The following SCRT2 variants were observed in gnomAD, a reference collection of about 807,000 sequenced individuals.
SCRT2 encodes transcriptional repressor scratch 2.
A neutral mutation model predicts 3.7 loss-of-function variants in SCRT2; 2 were observed. The observed-to-expected ratio is 0.54, with a 90% CI of 0.22 to 1.70. The LOEUF (loss-of-function observed/expected upper bound fraction) is 1.70, where lower values mean the gene tolerates loss of function less well. Among genes scored for constraint, SCRT2 ranks in the 40% most tolerant of loss-of-function variants. The probability of loss-of-function intolerance (pLI) is 0.19; values close to 1 mark genes in which losing one functional copy is unlikely to be tolerated. For synonymous variants in SCRT2, 256 were observed against 220.6 expected (o/e 1.16, Z -1.42); for missense variants, 456 against 468.5 (o/e 0.97, Z 0.25).
chr20:675,640 G>T lies in SCRT2; in HGVS notation c.-39C>A. ...CGGGGCTCGGTGCGGGGAGGCGGCC[G>T]GCCGGGCGCGATCGGCTGTGTCCGC... On this transcript the variant is annotated 5_prime_UTR_variant, in exon 1 of 2. Transcript: ENST00000246104. The surrounding 1 kb of genome is among the most constrained non-coding windows in gnomAD (Gnocchi z 6.9). 1 of 1,249,022 alleles carries T rather than the reference G, an allele frequency of 8.0e-7. No homozygotes were observed. Among genetic ancestry groups the T allele is most frequent in the African/African-American group, 1.6e-5 (1 of 64,108 alleles). 77.4% of individuals were successfully genotyped at this position (1,249,022 alleles called of 1,614,324 possible). A position where few individuals can be genotyped will look rare whatever the true frequency, so the allele number is the denominator to read the frequency against.
rs1166487227 is a variant in SCRT2, at chr20:667,133, G to A, written c.134-2672C>T. On this transcript the variant is annotated intron_variant, in intron 1 of 1. Transcript: ENST00000246104. The surrounding 1 kb of genome is among the most constrained non-coding windows in gnomAD (Gnocchi z 4.4). ...TCAGTAAGGGGTCTGCCAGTAAACAGTATATAAACAAATGATAACCAGCAC... is the reference window on the plus strand; with the variant it reads ...TCAGTAAGGGGTCTGCCAGTAAACAATATATAAACAAATGATAACCAGCAC... Among the ~76,000 whole-genome samples, 4 of 152,266 alleles carry A rather than the reference G, an allele frequency of 2.6e-5. No individual in the cohort carries two copies. The East Asian group carries it at 7.7e-4, about 29-fold the overall frequency.
At position 663,149 on chromosome 20, in the gene SCRT2, G is replaced by A. The variant is rs1275739008; in HGVS notation, c.*522C>T. 1.3e-5 allele frequency: 2 copies of A among 155,024 alleles called. No homozygotes were observed. Among genetic ancestry groups the A allele is most frequent in the Non-Finnish European group, 2.8e-5 (2 of 70,242 alleles). 9.6% of individuals were successfully genotyped at this position (155,024 alleles called of 1,614,324 possible). A position where few individuals can be genotyped will look rare whatever the true frequency, so the allele number is the denominator to read the frequency against. ...AGATTCAGCAGAGGCCAGAGGGATGGTCTGGGGTTGGACTGTGGTCTCAGG... is the reference window on the plus strand; with the variant it reads ...AGATTCAGCAGAGGCCAGAGGGATGATCTGGGGTTGGACTGTGGTCTCAGG... On this transcript the variant is annotated 3_prime_UTR_variant, in exon 2 of 2. Coordinates refer to ENST00000246104, the MANE Select transcript of SCRT2 (RefSeq NM_033129.4). This position sits in a 1 kb window ranked among gnomAD's most constrained non-coding sequence, Gnocchi z 6.9.
rs1227415248 is a variant in SCRT2, at chr20:675,746, CGGCTCG to C, written c.-151_-146del. On this transcript the variant is annotated 5_prime_UTR_variant, in exon 1 of 2. Transcript: ENST00000246104. This position sits in a 1 kb window ranked among gnomAD's most constrained non-coding sequence, Gnocchi z 6.9. Reference sequence around the variant, plus strand: ...GAGCCGGCACCGGTGGCGGCGGCCCCGGCTCGGGCTCGGGCTTGGCGGCGGCGGCGC... The same window carrying C: ...GAGCCGGCACCGGTGGCGGCGGCCCCGGCTCGGGCTTGGCGGCGGCGGCGC... 4 of 391,506 alleles carry C rather than the reference CGGCTCG, an allele frequency of 1.0e-5. No individual in the cohort carries two copies. The highest frequency in any genetic ancestry group is 1.5e-5 in the Non-Finnish European group (4 of 259,472). The allele number at this position is 391,506 out of a possible 1,614,324, so 24.3% of individuals were successfully genotyped here. A position where few individuals can be genotyped will look rare whatever the true frequency, so the allele number is the denominator to read the frequency against.
intron 1 of SCRT2, among the ~76,000 whole-genome samples, chr20:673,327 T>A (rs928247464): frequency 2.6e-5 from 4 of 152,236 alleles, no homozygotes; most frequent in African/African-American, 9.6e-5. Flanking sequence ...ATAGTTGACC[T>A]TCACAGAAGC....
rs1286931992 is a variant in SCRT2 at position 675,740 on chromosome 20, C to T, written c.-139G>A. 7.0e-6 allele frequency: 3 copies of T among 431,638 alleles called. No homozygotes were observed. Among genetic ancestry groups the T allele is most frequent in the Non-Finnish European group, 1.0e-5 (3 of 293,378 alleles). The allele number at this position is 431,638 out of a possible 1,614,324, so 26.7% of individuals were successfully genotyped here. On this transcript the variant is annotated 5_prime_UTR_variant, in exon 1 of 2. Transcript: ENST00000246104. The surrounding 1 kb of genome is among the most constrained non-coding windows in gnomAD (Gnocchi z 6.9). ...CGCTCGGAGCCGGCACCGGTGGCGG[C>T]GGCCCCGGCTCGGGCTCGGGCTTGG...
In SCRT2 at chr20:664,351, T is replaced by C; in HGVS notation, c.244A>G (p.Ser82Gly). Residue 82 changes from serine to glycine, a missense_variant, in exon 2 of 2, where the codon AGC becomes GGC. Physicochemically the swap from Ser to Gly is moderately conservative, Grantham distance 56 (BLOSUM62 0). This residue lies in a region of SCRT2 where 306 missense variants were observed against 305.3 expected (regional missense o/e 1.00). Coordinates refer to ENST00000246104, the MANE Select transcript of SCRT2 (RefSeq NM_033129.4). This position sits in a 1 kb window ranked among gnomAD's most constrained non-coding sequence, Gnocchi z 7.9. The stretch of plus-strand genomic sequence containing the variant: ...CTCGACTGCGGGCTTTCGGGGTCGC[T>C]GTACTCCTCCGGCGCCGCCGGCGGG... ...AYPPAAPEEY[S>G]DPESPQSSLS... 6.8e-7 allele frequency: 1 copy of C among 1,480,018 alleles called. No homozygotes were observed. Among genetic ancestry groups the C allele is most frequent in the Non-Finnish European group, 9.1e-7 (1 of 1,104,714 alleles). The allele number at this position is 1,480,018 out of a possible 1,614,324, so 91.7% of individuals were successfully genotyped here. A position where few individuals can be genotyped will look rare whatever the true frequency, so the allele number is the denominator to read the frequency against.
Position 664,306 on chromosome 20 carries a change from G to C in SCRT2, c.289C>G (p.Arg97Gly). 2 of 1,501,664 alleles carry C rather than the reference G, an allele frequency of 1.3e-6. No individual in the cohort carries two copies. Among genetic ancestry groups the C allele is most frequent in the Non-Finnish European group, 1.8e-6 (2 of 1,115,112 alleles). The allele number at this position is 1,501,664 out of a possible 1,614,324, so 93.0% of individuals were successfully genotyped here. The change falls in exon 2 of 2, where the codon CGA (arginine) becomes GGA (glycine). Residue 97 changes from arginine (R) to glycine (G), a missense_variant. By Grantham distance (125) the Arg-to-Gly change is moderately radical. Around this residue, in one of 3 missense-constraint regions of SCRT2, gnomAD observed 306 missense variants for 305.3 expected, o/e 1.00. Coordinates refer to ENST00000246104, the MANE Select transcript of SCRT2 (RefSeq NM_033129.4). This position sits in a 1 kb window ranked among gnomAD's most constrained non-coding sequence, Gnocchi z 7.9. ...PQSSLSARYF[R>G]GEAAVTDSYS... ...CTGTCGGTCACTGCCGCCTCCCCTC[G>C]GAAGTAGCGCGCCGACAGGCTCGAC...
chr20:662,265 G>A lies in SCRT2; in HGVS notation c.*1406C>T, dbSNP rs1490806669. 1 of 152,810 alleles carries A rather than the reference G, an allele frequency of 6.5e-6. No homozygotes were observed. Among genetic ancestry groups the A allele is most frequent in the Non-Finnish European group, 1.5e-5 (1 of 68,178 alleles). The allele number at this position is 152,810 out of a possible 1,614,324, so 9.5% of individuals were successfully genotyped here. ...GGGGCTCAGTCGGTCCCTGGAACCTGGGGTCCCTCGGGAAGAAGAATAAAC... is the reference window on the plus strand; with the variant it reads ...GGGGCTCAGTCGGTCCCTGGAACCTAGGGTCCCTCGGGAAGAAGAATAAAC... On this transcript the variant is annotated 3_prime_UTR_variant, in exon 2 of 2. Transcript: ENST00000246104.
At chr20:669,753 C>T (rs1984272244) in intron 1 of SCRT2, among the ~76,000 whole-genome samples, 1 of 152,238 alleles carries the variant, frequency 6.6e-6, no homozygotes, top group Non-Finnish European at 1.5e-5. Context: ...AAAATAGTTT[C>T]TCCTGTCTGC....
rs762554724 is a variant in SCRT2, at chr20:675,540, G to A, written c.62C>T (p.Pro21Leu). Residue 21 changes from proline (P) to leucine (L), a missense_variant, in exon 1 of 2, where the codon CCG becomes CTG. Coordinates refer to ENST00000246104, the MANE Select transcript of SCRT2 (RefSeq NM_033129.4). This position sits in a 1 kb window ranked among gnomAD's most constrained non-coding sequence, Gnocchi z 6.9. ...CTCCAAGGGGTGGTAGGTGGGGGCC[G>A]GCACCCCGCTGCACTGGAAGCCGTC... is the stretch of plus-strand genomic sequence containing the variant. ...KGDGFQCSGV[P>L]APTYHPLETA... is the part of the protein sequence containing the mutation. The A allele has an allele frequency of 2.9e-6, 4 of 1,398,580 alleles. No homozygotes were observed. The highest frequency in any genetic ancestry group is 2.8e-5 in the East Asian group (1 of 35,876). The allele number at this position is 1,398,580 out of a possible 1,614,324, so 86.6% of individuals were successfully genotyped here.
chr20:668,866 A>G (rs1314237612), intron 1 of SCRT2, among the ~76,000 whole-genome samples: 1 of 152,222 alleles, frequency 6.6e-6, no homozygotes, highest in Non-Finnish European at 1.5e-5. Context: ...GATGTGTAAC[A>G]AATACTGCTA....
Position 665,861 on chromosome 20 carries a change from C to A in SCRT2, c.134-1400G>T, listed in dbSNP as rs1368220594. On this transcript the variant is annotated intron_variant, in intron 1 of 1. Transcript: ENST00000246104. The surrounding 1 kb of genome is among the most constrained non-coding windows in gnomAD (Gnocchi z 5.0). ...ACTCCTCCTTCCCTCCTCCCCTAGC[C>A]TCCTTCACTGAAGTGAGCAGGTGGA... is the stretch of plus-strand genomic sequence containing the variant. Among the ~76,000 whole-genome samples the A allele has an allele frequency of 6.6e-6, 1 of 152,192 alleles. No individual in the cohort carries two copies. The highest frequency in any genetic ancestry group is 1.5e-5 in the Non-Finnish European group (1 of 68,040).
intron 1 of SCRT2, among the ~76,000 whole-genome samples, chr20:674,101 G>T (rs1003705594): frequency 6.6e-6 from 1 of 152,160 alleles, no homozygotes; most frequent in African/African-American, 2.4e-5. Context: ...GGGTCTGGGG[G>T]ATGCCAGTGG....
Position 672,600 on chromosome 20 carries a change from C to T in SCRT2, c.133+2869G>A, listed in dbSNP as rs1051512103. ...TTCACAGGCTCCCCCAACCCCTGCT[C>T]CCCCGACCCAGGTTTCCCTCCCGCC... On this transcript the variant is annotated intron_variant, in intron 1 of 1. Transcript: ENST00000246104. 3.3e-5 allele frequency among the ~76,000 whole-genome samples: 5 copies of T among 151,386 alleles called. No homozygotes were observed. The East Asian group carries it at 9.7e-4, about 29-fold the overall frequency.
At chr20:671,968 A>C (rs1215665902) in intron 1 of SCRT2, among the ~76,000 whole-genome samples, 2 of 151,592 alleles carry the variant, frequency 1.3e-5, no homozygotes, top group Non-Finnish European at 2.9e-5. Context: ...TGGGTGGGCC[A>C]CCTTCTTTGG....
chr20:661,887 C>G lies in SCRT2; in HGVS notation c.*1784G>C, dbSNP rs530444473. 2.0e-5 allele frequency: 3 copies of G among 152,838 alleles called. No homozygotes were observed. In the East Asian group the frequency reaches 5.8e-4, roughly 29 times the overall value. 9.5% of individuals were successfully genotyped at this position (152,838 alleles called of 1,614,324 possible). A position where few individuals can be genotyped will look rare whatever the true frequency, so the allele number is the denominator to read the frequency against. Reference sequence around the variant, plus strand: ...GGAGCTGAGCAAAGGCCCATTCACCCCTCTGGAGCCCTAGGGAAGTGCCCC... The same window carrying G: ...GGAGCTGAGCAAAGGCCCATTCACCGCTCTGGAGCCCTAGGGAAGTGCCCC... On this transcript the variant is annotated 3_prime_UTR_variant, in exon 2 of 2. Transcript: ENST00000246104.
Position 668,763 on chromosome 20 carries a change from G to T in SCRT2, c.134-4302C>A, listed in dbSNP as rs976060582. On this transcript the variant is annotated intron_variant, in intron 1 of 1. Transcript: ENST00000246104. ...TTTTTAAAAATCGGTACTCAAAGGA[G>T]TGGTGAAAGGGAAATTTATGAGAAC... 2.3e-4 allele frequency among the ~76,000 whole-genome samples: 35 copies of T among 152,356 alleles called. 1 individual carries two copies. Among genetic ancestry groups the T allele is most frequent in the Admixed American group, 2.0e-3 (31 of 15,306 alleles).
Position 661,868 on chromosome 20 carries a change from G to C in SCRT2, c.*1803C>G, listed in dbSNP as rs1300726280. 1 of 152,728 alleles carries C rather than the reference G, an allele frequency of 6.5e-6. No homozygotes were observed. The highest frequency in any genetic ancestry group is 1.5e-5 in the Non-Finnish European group (1 of 68,090). The allele number at this position is 152,728 out of a possible 1,614,324, so 9.5% of individuals were successfully genotyped here. ...CTCCCTTCCCGCTGGGCCTGGAGCTGAGCAAAGGCCCATTCACCCCTCTGG... is the reference window on the plus strand; with the variant it reads ...CTCCCTTCCCGCTGGGCCTGGAGCTCAGCAAAGGCCCATTCACCCCTCTGG... On this transcript the variant is annotated 3_prime_UTR_variant, in exon 2 of 2. Transcript: ENST00000246104.
At chr20:668,810 G>A (rs1984238013) in intron 1 of SCRT2, among the ~76,000 whole-genome samples, 1 of 152,238 alleles carries the variant, frequency 6.6e-6, no homozygotes, top group African/African-American at 2.4e-5. Flanking sequence ...GCCCTCTGCA[G>A]ACACTGTCTC....
Sources: gnomAD v4.1 joint callset for allele counts (sites outside exome capture counted in the v4.1 genomes callset) on GRCh38, gnomAD v4.1.1 for gene constraint, gnomAD v4.1.1 regional missense constraint, Gnocchi (gnomAD v3.1) non-coding constraint, MANE v1.5 for transcripts, NCBI Gene and HGNC (gene_info 2026-07-23, HGNC 2026-07-21) for gene names.